LRFN2: variants seen among roughly 807,000 people sequenced by gnomAD.
LRFN2 encodes leucine rich repeat and fibronectin type III domain containing 2.
A neutral mutation model predicts 37.3 loss-of-function variants in LRFN2; 18 were observed. That is an observed-to-expected ratio of 0.48 (90% CI 0.33 to 0.72). The LOEUF is 0.72. Ranked by LOEUF, LRFN2 falls within the 30% of genes least tolerant of loss-of-function variation. LRFN2 has a pLI of 0.02. For synonymous variants in LRFN2, 556 were observed against 466.6 expected, an observed-to-expected ratio of 1.19 and a Z score of -2.47; for missense variants, 1,006 against 1,060.7, an observed-to-expected ratio of 0.95 and a Z score of 0.72.
intron 1 of LRFN2, among the ~76,000 whole-genome samples, chr6:40,467,198 AT>A (rs1764489659): frequency 6.6e-6 from 1 of 150,584 alleles, no homozygotes; most frequent in Non-Finnish European, 1.5e-5. Context: ...GATGATGATG[AT>A]GATGATGATG....
chr6:40,395,383 C>T (rs1004275803), intron 2 of LRFN2, among the ~76,000 whole-genome samples: 1 of 152,194 alleles, frequency 6.6e-6, no homozygotes, highest in Non-Finnish European at 1.5e-5. Context: ...AAAAGTTCGC[C>T]CTGGCCTGTG....
intron 2 of LRFN2, among the ~76,000 whole-genome samples, chr6:40,415,704 GA>G (rs1763079418): frequency 6.6e-6 from 1 of 152,234 alleles, no homozygotes; most frequent in South Asian, 2.1e-4. Context: ...CTGCCTGGGA[GA>G]TGCGAGTTGC....
At chr6:40,562,269 G>A (rs887193350) in intron 1 of LRFN2, among the ~76,000 whole-genome samples, 8 of 152,064 alleles carry the variant, frequency 5.3e-5, no homozygotes, top group Non-Finnish European at 1.0e-4. Context: ...GACGGAAGGA[G>A]GAACCATGAC....
At chr6:40,569,633 G>C (rs191908999) in intron 1 of LRFN2, among the ~76,000 whole-genome samples, 15 of 152,252 alleles carry the variant, frequency 9.9e-5, no homozygotes, top group African/African-American at 3.4e-4. Context: ...AATTAAACTG[G>C]GGACCAGCAA....
chr6:40,534,253 G>A (rs114362010), intron 1 of LRFN2, among the ~76,000 whole-genome samples: 1 of 152,168 alleles, frequency 6.6e-6, no homozygotes, highest in African/African-American at 2.4e-5. Context: ...CTGTGAGATG[G>A]GCTCAATGAA....
chr6:40,519,696 G>GCTTATTACTCAGCAAGTGCTGACGAATA (rs2113897948), intron 1 of LRFN2, among the ~76,000 whole-genome samples: 1 of 152,318 alleles, frequency 6.6e-6, no homozygotes, highest in East Asian at 1.9e-4. Flanking sequence ...TTTTAGTGTG[G>GCTTATTACTCAGCAAGTGCTGACGAATA]CTTATTACTC....
chr6:40,498,200 T>C lies in LRFN2; in HGVS notation c.-18-65069A>G, dbSNP rs548452186. Reference sequence around the variant, plus strand: ...GAGTGGAGGGAAATGGCATTGAAAGTGTAAGCAGGAGATGGGACACAGCTG... The same window carrying C: ...GAGTGGAGGGAAATGGCATTGAAAGCGTAAGCAGGAGATGGGACACAGCTG... On this transcript the variant is annotated intron_variant, in intron 1 of 2. Coordinates refer to ENST00000338305, the MANE Select transcript of LRFN2 (RefSeq NM_020737.3). 2.6e-5 allele frequency among the ~76,000 whole-genome samples: 4 copies of C among 152,094 alleles called. No homozygotes were observed. In the South Asian group the frequency reaches 8.3e-4, roughly 32 times the overall value.
chr6:40,577,259 G>A (rs913037678), intron 1 of LRFN2, among the ~76,000 whole-genome samples: 1 of 151,894 alleles, frequency 6.6e-6, no homozygotes, highest in Non-Finnish European at 1.5e-5. Flanking sequence ...GCGCGGCCAT[G>A]TCCAGCTAAT....
At chr6:40,435,449 C>T (rs941898318) in intron 1 of LRFN2, among the ~76,000 whole-genome samples, 2 of 152,160 alleles carry the variant, frequency 1.3e-5, no homozygotes, top group African/African-American at 2.4e-5. Flanking sequence ...CATGAGCCAC[C>T]TCGCCTGGCC....
rs1762513405 is a variant in LRFN2, at chr6:40,392,011, C to G, written c.2302G>C (p.Glu768Gln). 6.2e-7 allele frequency: 1 copy of G among 1,612,064 alleles called. No individual in the cohort carries two copies. The highest frequency in any genetic ancestry group is 2.2e-5 in the East Asian group (1 of 44,838). Reference protein sequence around the residue: ...SVNGMLLPFEESDLVGARGTF... With the variant: ...SVNGMLLPFEQSDLVGARGTF... ...CCCCGGGCCCCCACCAGGTCACTCT[C>G]CTCAAAGGGCAAGAGCATGCCGTTG... The change falls in exon 3 of 3, where the codon GAG (glutamate) becomes CAG (glutamine). Residue 768 changes from glutamate (E) to glutamine (Q), a missense_variant. Physicochemically the swap from Glu to Gln is conservative, Grantham distance 29. Transcript: ENST00000338305. This position sits in a 1 kb window ranked among gnomAD's most constrained non-coding sequence, Gnocchi z 4.7.
At chr6:40,488,552 C>A (rs1047537893) in intron 1 of LRFN2, among the ~76,000 whole-genome samples, 4 of 152,208 alleles carry the variant, frequency 2.6e-5, no homozygotes, top group Non-Finnish European at 5.9e-5. Flanking sequence ...CCTGTCCCCA[C>A]CACACCTTAG....
At chr6:40,507,294 A>AT (rs141625705) in intron 1 of LRFN2, among the ~76,000 whole-genome samples, 2,897 of 151,994 alleles carry the variant, frequency 0.019, 56 homozygotes, top group East Asian at 0.063. Context: ...CTAAAAGGGG[A>AT]TTTTTTTTAC....
chr6:40,395,606 C>T (rs11758429), intron 2 of LRFN2, among the ~76,000 whole-genome samples: 40,019 of 152,154 alleles, frequency 0.26, 5,703 homozygotes, highest in Admixed American at 0.39. Context: ...GAGCTAAGCA[C>T]ACCCAGAACA....
At chr6:40,473,836 C>T (rs72852016) in intron 1 of LRFN2, among the ~76,000 whole-genome samples, 6,150 of 152,220 alleles carry the variant, frequency 0.04, 197 homozygotes, top group Non-Finnish European at 0.062. Flanking sequence ...CATATCATCC[C>T]TATATTACCA....
At position 40,432,077 on chromosome 6, in the gene LRFN2, AT is replaced by A; in HGVS notation, c.1036del (p.Ile346SerfsTer86). On this transcript the variant is annotated frameshift_variant, in exon 2 of 3. Transcript: ENST00000338305. LOFTEE classifies it high-confidence loss of function. ...TAVYDNGTLD[I>X]FITTSQDSGA... Reference sequence around the variant, plus strand: ...ACTGTCCTGAGATGTGGTGATGAAGATGTCCAGGGTGCCATTGTCATAGACA... The same window carrying A: ...ACTGTCCTGAGATGTGGTGATGAAGAGTCCAGGGTGCCATTGTCATAGACA... 1 of 1,614,090 alleles carries A rather than the reference AT, an allele frequency of 6.2e-7. No individual in the cohort carries two copies. The highest frequency in any genetic ancestry group is 8.5e-7 in the Non-Finnish European group (1 of 1,180,028).
At chr6:40,444,858 A>G (rs1763928978) in intron 1 of LRFN2, among the ~76,000 whole-genome samples, 1 of 151,818 alleles carries the variant, frequency 6.6e-6, no homozygotes, top group Non-Finnish European at 1.5e-5. Flanking sequence ...CCTGCTTTGC[A>G]ATTTTTTGCT....
chr6:40,455,578 C>T (rs1267071384), intron 1 of LRFN2, among the ~76,000 whole-genome samples: 1 of 152,212 alleles, frequency 6.6e-6, no homozygotes, highest in African/African-American at 2.4e-5. Flanking sequence ...GGCTCTCAAA[C>T]AAGCCAGCAA....
At chr6:40,435,547 A>G (rs979873132) in intron 1 of LRFN2, among the ~76,000 whole-genome samples, 2 of 148,910 alleles carry the variant, frequency 1.3e-5, no homozygotes, top group East Asian at 4.1e-4. Context: ...TTTGTTTCCT[A>G]TTTTTTTTTG....
chr6:40,400,706 C>A (rs1404781080), intron 2 of LRFN2, among the ~76,000 whole-genome samples: 3 of 151,810 alleles, frequency 2.0e-5, no homozygotes, highest in African/African-American at 7.3e-5. Flanking sequence ...CAGGCATGAG[C>A]CAACACACCC....
Sources: gnomAD v4.1 joint callset for allele counts (sites outside exome capture counted in the v4.1 genomes callset) on GRCh38, gnomAD v4.1.1 for gene constraint, Gnocchi (gnomAD v3.1) non-coding constraint, MANE v1.5 for transcripts, NCBI Gene and HGNC (gene_info 2026-07-23, HGNC 2026-07-21) for gene names.